CAP1: variants seen among roughly 807,000 people sequenced by gnomAD.
CAP1 encodes cyclase associated actin cytoskeleton regulatory protein 1.
CAP1 carries 11 observed loss-of-function variants against 58.2 expected under a neutral mutation model. That is an observed-to-expected ratio of 0.19 (90% CI 0.12 to 0.31). The LOEUF is 0.31. CAP1 is among the 10% of genes least tolerant of loss of function. The pLI, the probability that CAP1 is intolerant of heterozygous loss-of-function variation, is 1.00. For missense variants in CAP1, 423 were observed against 587.5 expected, an observed-to-expected ratio of 0.72 and a Z score of 2.89; for synonymous variants, 183 against 213.8, an observed-to-expected ratio of 0.86 and a Z score of 1.26.
intron 8 of CAP1, 48 bp from the exon 9 acceptor site, chr1:40,069,642 A>T: frequency 6.5e-7 from 1 of 1,527,786 alleles, no homozygotes; most frequent in Non-Finnish European, 9.0e-7. Flanking sequence ...ATAGCAGCTC[A>T]AAGGTCTGGT....
At chr1:40,064,125 G>A in intron 4 of CAP1, 102 bp from the exon 5 acceptor site, 1 of 1,060,670 alleles carries the variant, frequency 9.4e-7, no homozygotes, top group Non-Finnish European at 1.4e-6. Flanking sequence ...TTATTTGGGT[G>A]CTCACTAGAG....
chr1:40,040,547 CT>C (rs1161996811), upstream of CAP1: 1 of 152,618 alleles, frequency 6.6e-6, no homozygotes, highest in East Asian at 1.9e-4. Context: ...GGGCGGGGCT[CT>C]TTCCCAAGTG....
chr1:40,069,275 A>G (rs960564075), intron 8 of CAP1, among the ~76,000 whole-genome samples: 4 of 152,210 alleles, frequency 2.6e-5, no homozygotes, highest in Admixed American at 2.6e-4. Context: ...GCAAATGCCA[A>G]CACTGACTGA....
intron 4 of CAP1, among the ~76,000 whole-genome samples, chr1:40,062,642 A>G (rs1353545038): frequency 1.3e-5 from 2 of 152,100 alleles, no homozygotes; most frequent in African/African-American, 2.4e-5. Flanking sequence ...GTGCATGCGT[A>G]TAGTCCCAGC....
chr1:40,063,161 T>G (rs943767920), intron 4 of CAP1, among the ~76,000 whole-genome samples: 7 of 147,464 alleles, frequency 4.7e-5, no homozygotes, highest in African/African-American at 1.8e-4. Flanking sequence ...ATGCCTGGCT[T>G]GCTTATTTAC....
At chr1:40,051,566 GT>G (rs1047130422) in intron 1 of CAP1, among the ~76,000 whole-genome samples, 3 of 152,040 alleles carry the variant, frequency 2.0e-5, no homozygotes, top group African/African-American at 7.2e-5. Context: ...TTTGTTTGGG[GT>G]TTTTTTGTTT....
At position 40,069,630 on chromosome 1, in the gene CAP1, C is replaced by T. The variant is rs562185237; in HGVS notation, c.809-60C>T. ...TTTCTGTTAAGGATGTTTAACATGA[C>T]GATAGCAGCTCAAAGGTCTGGTATG... On this transcript the variant is annotated intron_variant, in intron 8 of 12. Transcript: ENST00000372805. The T allele has an allele frequency of 1.3e-3, 1,909 of 1,436,308 alleles. 2 individuals carry two copies. The highest frequency in any genetic ancestry group is 1.7e-3 in the Non-Finnish European group (1,746 of 1,042,030). The allele number at this position is 1,436,308 out of a possible 1,614,324, so 89.0% of individuals were successfully genotyped here.
rs368451776 is a variant in CAP1 at position 40,049,407 on chromosome 1, C to T, written c.-11+8606C>T. 2.4e-4 allele frequency among the ~76,000 whole-genome samples: 36 copies of T among 151,732 alleles called. 1 individual carries two copies. The highest frequency in any genetic ancestry group is 3.9e-4 in the East Asian group (2 of 5,156). On this transcript the variant is annotated intron_variant, in intron 1 of 12. Transcript: ENST00000372805. ...TGTATTTTTAGTAGAGACGAGGTTT[C>T]GCCATTTTAGCCAGGCTGGTCTCGA...
At chr1:40,060,038 C>T in intron 2 of CAP1, 29 bp from the exon 3 acceptor site, 1 of 1,577,724 alleles carries the variant, frequency 6.3e-7, no homozygotes, top group Non-Finnish European at 8.7e-7. Context: ...TGATGCATGG[C>T]TGATTCTTTG....
chr1:40,058,717 G>A (rs1167835111), intron 1 of CAP1, among the ~76,000 whole-genome samples: 1 of 150,998 alleles, frequency 6.6e-6, no homozygotes, highest in African/African-American at 2.4e-5. Context: ...GTAAGACTTT[G>A]TCTGAAAAAA....
chr1:40,052,267 T>C (rs1646410451), intron 1 of CAP1, among the ~76,000 whole-genome samples: 1 of 152,188 alleles, frequency 6.6e-6, no homozygotes, highest in Non-Finnish European at 1.5e-5. Context: ...CTGTGTATGC[T>C]AGATGAGGAT....
intron 1 of CAP1, among the ~76,000 whole-genome samples, chr1:40,052,816 C>A (rs969005638): frequency 6.6e-6 from 1 of 151,066 alleles, no homozygotes; most frequent in Non-Finnish European, 1.5e-5. Context: ...GCTGGCCAGG[C>A]GCGGTGGCTC....
intron 3 of CAP1, 65 bp from the exon 4 acceptor site, chr1:40,061,670 G>T: frequency 7.5e-7 from 1 of 1,330,806 alleles, no homozygotes; most frequent in Non-Finnish European, 1.1e-6. Flanking sequence ...GAGGTTTCAG[G>T]TTATTCTTAT....
At position 40,047,880 on chromosome 1, in the gene CAP1, G is replaced by A. The variant is rs115871904; in HGVS notation, c.-11+7079G>A. 9.9e-3 allele frequency among the ~76,000 whole-genome samples: 1,504 copies of A among 152,278 alleles called. 26 individuals are homozygous for A. The highest frequency in any genetic ancestry group is 0.035 in the African/African-American group (1,435 of 41,552). ...TGTGTAAGGAGGGAACAGGAGACAGGTGTTGATGTTGGGTTGGATTCCTTC... is the reference window on the plus strand; with the variant it reads ...TGTGTAAGGAGGGAACAGGAGACAGATGTTGATGTTGGGTTGGATTCCTTC... On this transcript the variant is annotated intron_variant, in intron 1 of 12. Transcript: ENST00000372805.
At chr1:40,066,476 A>G (rs1463335477) in intron 7 of CAP1, among the ~76,000 whole-genome samples, 156 bp downstream of exon 7, 2 of 152,192 alleles carry the variant, frequency 1.3e-5, no homozygotes, top group Non-Finnish European at 2.9e-5. Flanking sequence ...AAGAAAGGGT[A>G]AAAAGAGTAG....
In CAP1 at chr1:40,051,945, C is replaced by T. The variant is rs182523871; in HGVS notation, c.-10-7392C>T. On this transcript the variant is annotated intron_variant, in intron 1 of 12. Coordinates refer to ENST00000372805, the MANE Select transcript of CAP1 (RefSeq NM_006367.4). ...CAAATATAATCTACAGTATTTATTC[C>T]ATTCACATTTTATTTTGTTGTCTTA... is the stretch of plus-strand genomic sequence containing the variant. 3.8e-4 allele frequency among the ~76,000 whole-genome samples: 58 copies of T among 152,220 alleles called. No individual in the cohort carries two copies. In the East Asian group the frequency reaches 7.5e-3, roughly 20 times the overall value.
intron 1 of CAP1, among the ~76,000 whole-genome samples, chr1:40,049,498 A>G (rs1275314175): frequency 2.0e-5 from 3 of 152,014 alleles, no homozygotes; most frequent in Non-Finnish European, 4.4e-5. Context: ...GGCCTGAGCC[A>G]CTGCGCCAGG....
intron 1 of CAP1, among the ~76,000 whole-genome samples, chr1:40,058,419 A>G (rs948521516): frequency 1.3e-5 from 2 of 152,102 alleles, no homozygotes; most frequent in South Asian, 2.1e-4. Context: ...AAGTCTCCCC[A>G]TTAGACTATA....
intron 1 of CAP1, among the ~76,000 whole-genome samples, chr1:40,046,584 A>G (rs1646117072): frequency 6.6e-6 from 1 of 152,212 alleles, no homozygotes; most frequent in African/African-American, 2.4e-5. Context: ...AATGACAGGT[A>G]CATTCTGAGA....
Sources: allele counts gnomAD v4.1 joint callset (sites outside exome capture counted in the v4.1 genomes callset), GRCh38; gene constraint gnomAD v4.1.1; transcripts MANE v1.5; gene names NCBI Gene and HGNC (gene_info 2026-07-23, HGNC 2026-07-21).